The following MAGI2 variants were observed in gnomAD, a reference collection of about 807,000 sequenced individuals.
MAGI2 encodes membrane associated guanylate kinase, WW and PDZ domain containing 2, also known as membrane-associated guanylate kinase, WW and PDZ domain-containing protein 2.
In MAGI2, 35 loss-of-function variants were observed where a neutral mutation model predicts 133.3. The ratio of observed to expected loss-of-function variants is 0.26; its 90% CI spans 0.20 to 0.35. The LOEUF is 0.35. MAGI2 is among the 10% of genes least tolerant of loss of function. The probability of loss-of-function intolerance (pLI) is 1.00; values close to 1 mark genes in which losing one functional copy is unlikely to be tolerated. For synonymous variants in MAGI2, 729 were observed against 710.6 expected (o/e 1.03, Z -0.41); for missense variants, 1,636 against 1,863.4 (o/e 0.88, Z 2.25).
In MAGI2 at chr7:78,358,790, C is replaced by T. The variant is rs184601574; in HGVS notation, c.1103+10366G>A. 2.2e-3 allele frequency: 407 copies of T among 181,912 alleles called. 1 individual carries two copies. Among genetic ancestry groups the T allele is most frequent in the South Asian group, 0.011 (108 of 9,752 alleles). 11.3% of individuals were successfully genotyped at this position (181,912 alleles called of 1,614,324 possible). The stretch of plus-strand genomic sequence containing the variant: ...CTACAGGAAGAAAAAGCAGCTCATG[C>T]GGCTGCAGAAACAGGCCACAAAGAA... On this transcript the variant is annotated intron_variant, in intron 7 of 21. Coordinates refer to ENST00000354212, the MANE Select transcript of MAGI2 (RefSeq NM_012301.4).
rs1197197628 is a variant in MAGI2 at position 79,399,079 on chromosome 7, CTTTTTT to C, written c.301+53935_301+53940del. Among the ~76,000 whole-genome samples, 988 of 114,218 alleles carry C rather than the reference CTTTTTT, an allele frequency of 8.7e-3. 9 individuals carry two copies. The highest frequency in any genetic ancestry group is 0.012 in the African/African-American group (304 of 26,408). 74.9% of individuals were successfully genotyped at this position (114,218 alleles called of 152,430 possible). A position where few individuals can be genotyped will look rare whatever the true frequency, so the allele number is the denominator to read the frequency against. On this transcript the variant is annotated intron_variant, in intron 1 of 21. Transcript: ENST00000354212. ...CATCTTCAATTCACTAGTATTATTT[CTTTTTT>C]TTTTCTTTTCTTTTTTTTTTTTTTT...
At chr7:79,124,037 A>G (rs758065041) in intron 1 of MAGI2, among the ~76,000 whole-genome samples, 1 of 152,078 alleles carries the variant, frequency 6.6e-6, no homozygotes, top group Non-Finnish European at 1.5e-5. Flanking sequence ...ATGCTGCTCA[A>G]TTTAGTAGAT....
At chr7:79,380,216 C>G (rs1843683051) in intron 1 of MAGI2, among the ~76,000 whole-genome samples, 1 of 151,882 alleles carries the variant, frequency 6.6e-6, no homozygotes, top group South Asian at 2.1e-4. Flanking sequence ...AGGCAACCTA[C>G]AGAATGGGAG....
chr7:79,109,346 G>A (rs566005438), intron 1 of MAGI2, among the ~76,000 whole-genome samples: 1 of 152,320 alleles, frequency 6.6e-6, no homozygotes, highest in African/African-American at 2.4e-5. Context: ...AGATGGAAAT[G>A]AGGAACTTAT....
intron 6 of MAGI2, among the ~76,000 whole-genome samples, chr7:78,445,629 T>C (rs1671213730): frequency 6.6e-6 from 1 of 152,072 alleles, no homozygotes; most frequent in Admixed American, 6.6e-5. Flanking sequence ...TGGCACTTAT[T>C]CCTCCTGAAA....
At chr7:78,312,486 G>A (rs1420108078) in intron 9 of MAGI2, among the ~76,000 whole-genome samples, 1 of 151,702 alleles carries the variant, frequency 6.6e-6, no homozygotes, top group Non-Finnish European at 1.5e-5. Context: ...ATCTGACAAG[G>A]GACTAATATC....
At chr7:78,137,596 T>C (rs1240680696) in intron 16 of MAGI2, among the ~76,000 whole-genome samples, 3 of 152,210 alleles carry the variant, frequency 2.0e-5, no homozygotes, top group Admixed American at 2.0e-4. Context: ...TACAGGATTA[T>C]ACAGAGTAAT....
In MAGI2 at chr7:78,711,560, GGAAATGTTAT is replaced by G. The variant is rs1819191753; in HGVS notation, c.419-84331_419-84322del. Among the ~76,000 whole-genome samples the G allele has an allele frequency of 2.0e-5, 3 of 151,688 alleles. No individual in the cohort carries two copies. In the South Asian group the frequency reaches 6.2e-4, roughly 31 times the overall value. On this transcript the variant is annotated intron_variant, in intron 2 of 21. Coordinates refer to ENST00000354212, the MANE Select transcript of MAGI2 (RefSeq NM_012301.4). The stretch of plus-strand genomic sequence containing the variant: ...GCCATATTTTCTGATTATGACCATT[GGAAATGTTAT>G]GTTCAAAAATTTCCATGATCAAGGA...
intron 6 of MAGI2, among the ~76,000 whole-genome samples, chr7:78,373,253 G>A (rs1273969387): frequency 2.6e-5 from 4 of 152,198 alleles, no homozygotes; most frequent in African/African-American, 9.6e-5. Context: ...TATTACCACA[G>A]ATGAAGGAGA....
intron 1 of MAGI2, among the ~76,000 whole-genome samples, chr7:79,028,269 G>GTATGTATATATATATATATATATA (rs1562805339): frequency 5.6e-4 from 12 of 21,356 alleles, no homozygotes; most frequent in African/African-American, 1.6e-3. Context: ...ATATATATAT[G>GTATGTATATATATATATATATATA]TATGTATGTA....
chr7:78,301,231 T>C (rs1181710189), intron 9 of MAGI2, among the ~76,000 whole-genome samples: 1 of 151,984 alleles, frequency 6.6e-6, no homozygotes, highest in African/African-American at 2.4e-5. Context: ...AAGCACTACA[T>C]GAGAAAAATC....
intron 1 of MAGI2, among the ~76,000 whole-genome samples, chr7:79,449,897 T>TATATATATAAAA: frequency 7.6e-6 from 1 of 132,350 alleles, no homozygotes; most frequent in Non-Finnish European, 1.6e-5. Flanking sequence ...TATATATATA[T>TATATATATAAAA]AATGTCTTAA....
At chr7:78,962,271 C>G (rs544799956) in intron 2 of MAGI2, among the ~76,000 whole-genome samples, 20 of 152,128 alleles carry the variant, frequency 1.3e-4, no homozygotes, top group Admixed American at 1.1e-3. Flanking sequence ...ATGTGACATG[C>G]TAGAAACAAA....
intron 2 of MAGI2, among the ~76,000 whole-genome samples, chr7:78,806,041 T>TA (rs1201905072): frequency 6.6e-6 from 1 of 152,236 alleles, no homozygotes; most frequent in Non-Finnish European, 1.5e-5. Context: ...GTTTGTGTTA[T>TA]ATAACAATCA....
In MAGI2 at chr7:78,186,951, CAGA is replaced by C. The variant is rs1313532132; in HGVS notation, c.2270-1284_2270-1282del. On this transcript the variant is annotated intron_variant, in intron 12 of 21. Transcript: ENST00000354212. ...ACAACTGGGTTTAATAAGAGATGGG[CAGA>C]AGACACATGTATGCAAACCTCTGGT... Among the ~76,000 whole-genome samples, 3 of 152,042 alleles carry C rather than the reference CAGA, an allele frequency of 2.0e-5. No homozygotes were observed. The East Asian group carries it at 5.8e-4, about 29-fold the overall frequency.
intron 21 of MAGI2, among the ~76,000 whole-genome samples, chr7:78,054,927 A>G (rs1298089660): frequency 4.6e-5 from 7 of 152,238 alleles, no homozygotes. Context: ...TGCTGGGATT[A>G]CAGGTGTGAG....
intron 1 of MAGI2, among the ~76,000 whole-genome samples, chr7:79,187,832 G>A (rs1562975232): frequency 6.6e-6 from 1 of 151,794 alleles, no homozygotes; most frequent in Non-Finnish European, 1.5e-5. Flanking sequence ...GTTTGGGATT[G>A]CCACTCCAAT....
At chr7:79,199,850 G>C (rs900242000) in intron 1 of MAGI2, among the ~76,000 whole-genome samples, 3 of 151,844 alleles carry the variant, frequency 2.0e-5, no homozygotes, top group African/African-American at 7.3e-5. Flanking sequence ...TGCATTTTTT[G>C]GGATGGAGTA....
At chr7:79,370,367 G>A (rs929035858) in intron 1 of MAGI2, among the ~76,000 whole-genome samples, 1 of 151,896 alleles carries the variant, frequency 6.6e-6, no homozygotes, top group Non-Finnish European at 1.5e-5. Flanking sequence ...CATTCTTTGT[G>A]TAGACTCACA....
Sources: allele counts gnomAD v4.1 joint callset (sites outside exome capture counted in the v4.1 genomes callset), GRCh38; gene constraint gnomAD v4.1.1; transcripts MANE v1.5; gene names NCBI Gene and HGNC (gene_info 2026-07-23, HGNC 2026-07-21).